WWTR1: variants seen among roughly 807,000 people sequenced by gnomAD.
The protein encoded by WWTR1 is WW domain-containing transcription regulator protein 1.
In WWTR1, 13 loss-of-function variants were observed where a neutral mutation model predicts 40.1. That is an observed-to-expected ratio of 0.32 (90% CI 0.21 to 0.52). The LOEUF is 0.52. Ranked by LOEUF, WWTR1 falls within the 20% of genes least tolerant of loss-of-function variation. The pLI, the probability that WWTR1 is intolerant of heterozygous loss-of-function variation, is 0.97. For missense variants in WWTR1, 436 were observed against 523.1 expected (o/e 0.83, Z 1.63); for synonymous variants, 230 against 210.1 (o/e 1.09, Z -0.82).
At chr3:149,639,412 T>C (rs1014069294) in intron 2 of WWTR1, among the ~76,000 whole-genome samples, 1 of 152,092 alleles carries the variant, frequency 6.6e-6, no homozygotes, top group African/African-American at 2.4e-5. Flanking sequence ...CTTGCTCTGT[T>C]GCTCAGGCCG....
intron 4 of WWTR1, among the ~76,000 whole-genome samples, chr3:149,538,591 T>C (rs1735937076): frequency 6.6e-6 from 1 of 152,228 alleles, no homozygotes; most frequent in Non-Finnish European, 1.5e-5. Context: ...TTTAAGGAAA[T>C]TCTCCTGCTT....
chr3:149,589,783 G>A (rs1365919527), intron 2 of WWTR1, among the ~76,000 whole-genome samples: 1 of 125,034 alleles, frequency 8.0e-6, no homozygotes, highest in Non-Finnish European at 1.6e-5. Context: ...TAGAATAAGT[G>A]ACTGAATTAA....
chr3:149,650,755 T>A lies in WWTR1; in HGVS notation c.431+6121A>T, dbSNP rs534473196. On this transcript the variant is annotated intron_variant, in intron 2 of 6. Transcript: ENST00000360632. ...TTCTCAGATGGAGTTGGGTATCCTCTGCCCAAAATGCTGAAGCAAAAGGGC... is the reference window on the plus strand; with the variant it reads ...TTCTCAGATGGAGTTGGGTATCCTCAGCCCAAAATGCTGAAGCAAAAGGGC... Among the ~76,000 whole-genome samples, 95 of 152,350 alleles carry A rather than the reference T, an allele frequency of 6.2e-4. 1 individual carries two copies. The highest frequency in any genetic ancestry group is 6.8e-3 in the Middle Eastern group (2 of 294).
intron 2 of WWTR1, among the ~76,000 whole-genome samples, chr3:149,663,719 C>T (rs35094556): frequency 0.15 from 22,155 of 152,000 alleles, 1,998 homozygotes; most frequent in Admixed American, 0.27. Flanking sequence ...CTTATGAAAC[C>T]GCTCCTAAGA....
chr3:149,681,159 C>A (rs1356284696), intron 1 of WWTR1, among the ~76,000 whole-genome samples: 1 of 152,174 alleles, frequency 6.6e-6, no homozygotes, highest in Non-Finnish European at 1.5e-5. Flanking sequence ...TTTTCTCTAA[C>A]TTCGGGTTGT....
intron 5 of WWTR1, among the ~76,000 whole-genome samples, chr3:149,713,197 C>T (rs950874431): frequency 3.3e-5 from 5 of 152,016 alleles, no homozygotes; most frequent in African/African-American, 1.2e-4. Context: ...TTTCCATGCA[C>T]TCAGTATTCA....
chr3:149,679,571 G>A (rs957780432), intron 1 of WWTR1, among the ~76,000 whole-genome samples: 2 of 151,858 alleles, frequency 1.3e-5, no homozygotes, highest in Non-Finnish European at 2.9e-5. Context: ...ATATCATTAT[G>A]CCCATGATTA....
chr3:149,540,214 AC>A, intron 4 of WWTR1: 2 of 456,592 alleles, frequency 4.4e-6, no homozygotes, highest in Non-Finnish European at 8.8e-6. Context: ...GCAATTGCTC[AC>A]TATGATGCAG....
chr3:149,676,994 G>A (rs1205158432), intron 1 of WWTR1, among the ~76,000 whole-genome samples: 1 of 151,004 alleles, frequency 6.6e-6, no homozygotes, highest in Non-Finnish European at 1.5e-5. Flanking sequence ...TTGGCTCACT[G>A]CAACGTCTGC....
intron 2 of WWTR1, among the ~76,000 whole-genome samples, chr3:149,574,892 C>T (rs1182551250): frequency 1.3e-5 from 2 of 151,456 alleles, no homozygotes; most frequent in East Asian, 1.9e-4. Context: ...GTCAAGAGTT[C>T]GAGACCAGCC....
intron 4 of WWTR1, among the ~76,000 whole-genome samples, chr3:149,534,779 A>C (rs2107923109): frequency 6.6e-6 from 1 of 152,364 alleles, no homozygotes; most frequent in East Asian, 1.9e-4. Context: ...GTTTGTGGTC[A>C]ACTATCTAGC....
At chr3:149,603,071 A>G (rs1739318383) in intron 2 of WWTR1, among the ~76,000 whole-genome samples, 1 of 152,184 alleles carries the variant, frequency 6.6e-6, no homozygotes, top group South Asian at 2.1e-4. Context: ...AACTTCAAAA[A>G]CTATTAACTT....
intron 2 of WWTR1, among the ~76,000 whole-genome samples, chr3:149,600,458 TTC>T (rs1345031217): frequency 6.6e-6 from 1 of 152,206 alleles, no homozygotes; most frequent in African/African-American, 2.4e-5. Flanking sequence ...ACCCTGATTC[TTC>T]TCTGTCCCTC....
intron 2 of WWTR1, among the ~76,000 whole-genome samples, chr3:149,621,763 C>G (rs58978869): frequency 0.021 from 3,214 of 152,272 alleles, 83 homozygotes; most frequent in African/African-American, 0.068. Flanking sequence ...TAATGCATTA[C>G]AGGTGTTCTC....
chr3:149,568,887 C>T (rs967581211), intron 3 of WWTR1, among the ~76,000 whole-genome samples: 1 of 152,202 alleles, frequency 6.6e-6, no homozygotes, highest in East Asian at 1.9e-4. Flanking sequence ...CTGCCTCAGC[C>T]TCCCGAGCAG....
At chr3:149,616,255 T>C (rs1015853293) in intron 2 of WWTR1, among the ~76,000 whole-genome samples, 2 of 152,176 alleles carry the variant, frequency 1.3e-5, no homozygotes, top group Admixed American at 1.3e-4. Flanking sequence ...AGATCTCATT[T>C]TTCCCCTTAA....
intron 1 of WWTR1, among the ~76,000 whole-genome samples, chr3:149,689,584 T>C (rs1559842126): frequency 6.6e-6 from 1 of 152,006 alleles, no homozygotes; most frequent in African/African-American, 2.4e-5. Flanking sequence ...TGGCATGACA[T>C]ATTTAAAGTA....
chr3:149,542,555 A>G lies in WWTR1; in HGVS notation c.569-18T>C, dbSNP rs533033826. ...ATTCATCACTGCAAGAGGGAAGAAC[A>G]TACAGATTAATGACCAGGGCCCACA... is the stretch of plus-strand genomic sequence containing the variant. On this transcript the variant is annotated intron_variant, in intron 3 of 6. Transcript: ENST00000360632. 4 of 1,595,902 alleles carry G rather than the reference A, an allele frequency of 2.5e-6. No homozygotes were observed. The African/African-American group carries it at 5.4e-5, about 21-fold the overall frequency.
At chr3:149,700,648 C>T (rs1456624508) in intron 1 of WWTR1, among the ~76,000 whole-genome samples, 1 of 151,976 alleles carries the variant, frequency 6.6e-6, no homozygotes, top group Non-Finnish European at 1.5e-5. Flanking sequence ...GGAAACTTAA[C>T]TGACATAATA....
Sources: gnomAD v4.1 joint callset for allele counts (sites outside exome capture counted in the v4.1 genomes callset) on GRCh38, gnomAD v4.1.1 for gene constraint, MANE v1.5 for transcripts, NCBI Gene and HGNC (gene_info 2026-07-23, HGNC 2026-07-21) for gene names.